PDE8B: variants seen among roughly 807,000 people sequenced by gnomAD.
PDE8B encodes phosphodiesterase 8B.
A neutral mutation model predicts 101.3 loss-of-function variants in PDE8B; 26 were observed. That is an observed-to-expected ratio of 0.26 (90% confidence interval 0.19 to 0.36). PDE8B has a LOEUF of 0.36. PDE8B is among the 10% of genes least tolerant of loss of function. The pLI, the probability that PDE8B is intolerant of heterozygous loss-of-function variation, is 1.00. For synonymous variants in PDE8B, 424 were observed against 429.3 expected (o/e 0.99, Z 0.15); for missense variants, 810 against 1,163.1 (o/e 0.70, Z 4.42).
At chr5:77,326,892 A>G (rs1384050945) in intron 3 of PDE8B, among the ~76,000 whole-genome samples, 2 of 152,218 alleles carry the variant, frequency 1.3e-5, no homozygotes, top group African/African-American at 4.8e-5. Context: ...AAAAGAAAAA[A>G]CCAACAGGAA....
At chr5:77,416,309 A>G (rs1795551697) in intron 17 of PDE8B, among the ~76,000 whole-genome samples, 1 of 152,142 alleles carries the variant, frequency 6.6e-6, no homozygotes. Context: ...CAGGCCTGAG[A>G]CTCCAAGCAG....
chr5:77,403,729 GT>G (rs1401202174), intron 11 of PDE8B, among the ~76,000 whole-genome samples: 7 of 151,952 alleles, frequency 4.6e-5, no homozygotes, highest in African/African-American at 1.5e-4. Context: ...TATAGCTATG[GT>G]GTTCAGATTA....
chr5:77,212,546 A>G (rs1475970037), intron 1 of PDE8B, among the ~76,000 whole-genome samples: 3 of 152,156 alleles, frequency 2.0e-5, no homozygotes, highest in Admixed American at 6.5e-5. Flanking sequence ...AATCACCATT[A>G]TAGTAAAAAC....
In PDE8B at chr5:77,400,415, G is replaced by T. The variant is rs531233942; in HGVS notation, c.1210+125G>T. On this transcript the variant is annotated intron_variant, in intron 11 of 21. Transcript: ENST00000264917. ...CAGAATGTGGAGTGCTAAAATCCAC[G>T]TGCTCATATCACAAGGTTGGCAAGC... 34 of 736,774 alleles carry T rather than the reference G, an allele frequency of 4.6e-5. No homozygotes were observed. In the East Asian group the frequency reaches 8.4e-4, roughly 18 times the overall value. 45.6% of individuals were successfully genotyped at this position (736,774 alleles called of 1,614,324 possible).
intron 19 of PDE8B, among the ~76,000 whole-genome samples, chr5:77,420,714 C>A (rs1796466518): frequency 6.6e-6 from 1 of 152,154 alleles, no homozygotes; most frequent in Non-Finnish European, 1.5e-5. Context: ...GAGCCCTCTC[C>A]TTCCACAGAA....
chr5:77,303,822 TTGTTTAACTCAA>T, intron 1 of PDE8B, among the ~76,000 whole-genome samples: 1 of 152,332 alleles, frequency 6.6e-6, no homozygotes, highest in South Asian at 2.1e-4. Flanking sequence ...TTTTGTTTTG[TTGTTTAACTCAA>T]TGTTTGTAAG....
At chr5:77,331,337 G>A (rs746977097) in intron 4 of PDE8B, 65 bp from the exon 5 acceptor site, 72 of 1,389,648 alleles carry the variant, frequency 5.2e-5, no homozygotes, top group Middle Eastern at 1.8e-4. Flanking sequence ...CTCTCTCTCC[G>A]TGTTTCAGTG....
At chr5:77,107,931 C>A in the PDE8B span, among the ~76,000 whole-genome samples, 1 of 152,170 alleles carries the variant, frequency 6.6e-6, no homozygotes, top group Non-Finnish European at 1.5e-5. Context: ...TCCCCTCCCC[C>A]TCCCACCACT....
At chr5:77,367,821 G>A (rs891248701) in intron 10 of PDE8B, among the ~76,000 whole-genome samples, 40 of 152,270 alleles carry the variant, frequency 2.6e-4, no homozygotes, top group African/African-American at 8.4e-4. Context: ...GAGCCACCAC[G>A]CCTAGCTGGG....
chr5:77,110,149 T>C, the PDE8B span, among the ~76,000 whole-genome samples: 2 of 152,098 alleles, frequency 1.3e-5, no homozygotes, highest in Middle Eastern at 3.4e-3. Flanking sequence ...GGTTTTACCA[T>C]GTTGACCGGG....
chr5:77,206,929 T>C (rs1161612269), upstream of PDE8B, among the ~76,000 whole-genome samples: 4 of 152,200 alleles, frequency 2.6e-5, no homozygotes, highest in Non-Finnish European at 2.9e-5. Context: ...CGAATGTTGG[T>C]GATTTAGAGA....
chr5:77,308,542 G>A (rs900313415), intron 1 of PDE8B, among the ~76,000 whole-genome samples: 1 of 152,190 alleles, frequency 6.6e-6, no homozygotes, highest in South Asian at 2.1e-4. Flanking sequence ...TGCTGGGTAG[G>A]TCAGACAGGA....
At chr5:77,217,462 G>T (rs1035878141) in intron 1 of PDE8B, among the ~76,000 whole-genome samples, 1 of 152,102 alleles carries the variant, frequency 6.6e-6, no homozygotes. Context: ...ATGTGTCCAG[G>T]AATTTATTTT....
intron 1 of PDE8B, among the ~76,000 whole-genome samples, chr5:77,285,966 C>A (rs1277487003): frequency 6.6e-6 from 1 of 151,858 alleles, no homozygotes; most frequent in African/African-American, 2.4e-5. Flanking sequence ...GCTGAGAGTT[C>A]TTCTTTATTT....
intron 10 of PDE8B, among the ~76,000 whole-genome samples, chr5:77,377,890 G>A (rs1786477321): frequency 6.6e-6 from 1 of 152,074 alleles, no homozygotes; most frequent in African/African-American, 2.4e-5. Context: ...TTATGCTACT[G>A]CCTTCCCTGG....
chr5:77,385,000 G>A (rs1378561090), intron 10 of PDE8B, among the ~76,000 whole-genome samples: 1 of 152,166 alleles, frequency 6.6e-6, no homozygotes, highest in African/African-American at 2.4e-5. Context: ...AATGAGTTAG[G>A]GAGGAGTCCC....
chr5:77,127,263 G>A, the PDE8B span, among the ~76,000 whole-genome samples: 2 of 152,154 alleles, frequency 1.3e-5, no homozygotes, highest in African/African-American at 2.4e-5. Context: ...GGAGGGAGGT[G>A]ACTGGATTAT....
At chr5:77,324,388 T>C (rs1775673612) in intron 2 of PDE8B, among the ~76,000 whole-genome samples, 1 of 152,178 alleles carries the variant, frequency 6.6e-6, no homozygotes, top group Non-Finnish European at 1.5e-5. Context: ...GGCCGAGCCC[T>C]CACTCTCCTG....
chr5:77,181,500 T>G, the PDE8B span, among the ~76,000 whole-genome samples: 1 of 152,312 alleles, frequency 6.6e-6, no homozygotes, highest in South Asian at 2.1e-4. Flanking sequence ...GCTAGAAGCC[T>G]TGAACCGTCC....
Sources: gnomAD v4.1 joint callset for allele counts (sites outside exome capture counted in the v4.1 genomes callset) on GRCh38, gnomAD v4.1.1 for gene constraint, MANE v1.5 for transcripts, NCBI Gene and HGNC (gene_info 2026-07-23, HGNC 2026-07-21) for gene names.